The following MPDZ variants were observed in gnomAD, a reference collection of about 807,000 sequenced individuals.
MPDZ encodes the protein multiple PDZ domain crumbs cell polarity complex component.
A neutral mutation model predicts 239.1 loss-of-function variants in MPDZ; 234 were observed. The observed-to-expected ratio is 0.98, with a 90% CI of 0.88 to 1.09. The LOEUF (loss-of-function observed/expected upper bound fraction) is 1.09, where lower values mean the gene tolerates loss of function less well. MPDZ is among the 50% of genes least tolerant of loss of function. The pLI, the probability that MPDZ is intolerant of heterozygous loss-of-function variation, is 0.00. For synonymous variants in MPDZ, 1,048 were observed against 881.3 expected, an observed-to-expected ratio of 1.19 and a Z score of -3.35; for missense variants, 3,175 against 2,510.0, an observed-to-expected ratio of 1.26 and a Z score of -5.66.
chr9:13,251,957 C>T (rs534529372), intron 1 of MPDZ, among the ~76,000 whole-genome samples: 85 of 152,220 alleles, frequency 5.6e-4, no homozygotes, highest in African/African-American at 2.0e-3. Context: ...TCATCTCAAC[C>T]TCAGTTTCTT....
At chr9:13,170,259 T>C (rs1456622366) in intron 21 of MPDZ, among the ~76,000 whole-genome samples, 1 of 152,176 alleles carries the variant, frequency 6.6e-6, no homozygotes, top group Non-Finnish European at 1.5e-5. Context: ...AAATTAGATA[T>C]GATATTTCAA....
chr9:13,156,415 G>A (rs570270396), intron 24 of MPDZ, among the ~76,000 whole-genome samples: 1 of 152,284 alleles, frequency 6.6e-6, no homozygotes, highest in African/African-American at 2.4e-5. Context: ...CCACATGGCT[G>A]GGGAAGCCTC....
In MPDZ at chr9:13,175,834, A is replaced by AT. The variant is rs1952405239; in HGVS notation, c.2972dup (p.Asn991LysfsTer3). 1 of 1,592,556 alleles carries AT rather than the reference A, an allele frequency of 6.3e-7. No homozygotes were observed. Among genetic ancestry groups the AT allele is most frequent in the African/African-American group, 1.3e-5 (1 of 74,646 alleles). ...CATTTTGAAGCATGACACACTCAGCATTACAGGCCAGGGAGCTCTGTTCAA... is the reference window on the plus strand; with the variant it reads ...CATTTTGAAGCATGACACACTCAGCATTTACAGGCCAGGGAGCTCTGTTCAA... On this transcript the variant is annotated frameshift_variant, in exon 21 of 47. Coordinates refer to ENST00000319217, the MANE Select transcript of MPDZ (RefSeq NM_001378778.1). LOFTEE classifies it high-confidence loss of function.
At chr9:13,225,457 G>A (rs1377824550) in intron 3 of MPDZ, among the ~76,000 whole-genome samples, 1 of 151,854 alleles carries the variant, frequency 6.6e-6, no homozygotes, top group African/African-American at 2.4e-5. Context: ...GTAGTGTACA[G>A]TAATGTCGTA....
At chr9:13,229,716 T>G (rs978746866) in intron 3 of MPDZ, among the ~76,000 whole-genome samples, 2 of 151,928 alleles carry the variant, frequency 1.3e-5, no homozygotes, top group African/African-American at 4.8e-5. Context: ...CAGAAAGTAT[T>G]ATAGTACAAA....
intron 31 of MPDZ, 166 bp from the exon 32 acceptor site, chr9:13,134,070 T>C (rs1946401624): frequency 3.6e-6 from 1 of 276,526 alleles, no homozygotes; most frequent in African/African-American, 2.2e-5. Context: ...TTATTTATTA[T>C]AATACATTTT....
Position 13,118,681 on chromosome 9 carries a change from T to C in MPDZ, c.5379+821A>G, listed in dbSNP as rs192115850. Reference sequence around the variant, plus strand: ...TATTTACAGGAATGCAAATCCCCTCTAGAAACTGGAATATTCCCTGACAGA... The same window carrying C: ...TATTTACAGGAATGCAAATCCCCTCCAGAAACTGGAATATTCCCTGACAGA... On this transcript the variant is annotated intron_variant, in intron 39 of 46. Transcript: ENST00000319217. 5.2e-4 allele frequency among the ~76,000 whole-genome samples: 79 copies of C among 152,342 alleles called. 1 individual carries two copies. The South Asian group carries it at 6.2e-3, about 12-fold the overall frequency.
At chr9:13,235,459 T>C (rs1054708123) in intron 3 of MPDZ, among the ~76,000 whole-genome samples, 1 of 152,172 alleles carries the variant, frequency 6.6e-6, no homozygotes, top group South Asian at 2.1e-4. Flanking sequence ...CAAAATGCTT[T>C]CCATAATCAC....
At position 13,175,157 on chromosome 9, in the gene MPDZ, AAC is replaced by A. The variant is rs151290543; in HGVS notation, c.3055+593_3055+594del. On this transcript the variant is annotated intron_variant, in intron 21 of 46. Coordinates refer to ENST00000319217, the MANE Select transcript of MPDZ (RefSeq NM_001378778.1). ...TGAGAGAACAAATGTGCTCTGCCTC[AAC>A]ACAGTTTTAGCTATTGTAATTAGGA... Among the ~76,000 whole-genome samples the A allele has an allele frequency of 6.6e-3, 1,010 of 152,318 alleles. 27 individuals carry two copies. In the South Asian group the frequency reaches 0.081, roughly 12 times the overall value.
chr9:13,154,323 G>A (rs183891542), intron 24 of MPDZ, among the ~76,000 whole-genome samples: 63 of 151,982 alleles, frequency 4.1e-4, no homozygotes, highest in African/African-American at 1.2e-3. Context: ...TTCAGAGATC[G>A]TTATGTAGGG....
At chr9:13,208,337 A>G (rs960798889) in intron 10 of MPDZ, among the ~76,000 whole-genome samples, 1 of 152,012 alleles carries the variant, frequency 6.6e-6, no homozygotes, top group Non-Finnish European at 1.5e-5. Context: ...CCATCTACTC[A>G]GGAGGCTGAG....
At chr9:13,272,540 T>A (rs1281825763) in intron 1 of MPDZ, among the ~76,000 whole-genome samples, 1 of 151,668 alleles carries the variant, frequency 6.6e-6, no homozygotes, top group African/African-American at 2.4e-5. Flanking sequence ...CTGAATCATA[T>A]CGATGAGGCC....
In MPDZ at chr9:13,149,100, A is replaced by G. The variant is rs113437372; in HGVS notation, c.3630+1411T>C. The stretch of plus-strand genomic sequence containing the variant: ...TGAAATTTTAGGTAGTGTCCTAAAT[A>G]AAAGAGTTCGTTAAAAGGGGTCTAA... On this transcript the variant is annotated intron_variant, in intron 25 of 46. Coordinates refer to ENST00000319217, the MANE Select transcript of MPDZ (RefSeq NM_001378778.1). Among the ~76,000 whole-genome samples, 89 of 152,124 alleles carry G rather than the reference A, an allele frequency of 5.9e-4. 3 individuals carry two copies. In the South Asian group the frequency reaches 0.017, roughly 30 times the overall value.
intron 24 of MPDZ, among the ~76,000 whole-genome samples, chr9:13,157,210 C>A (rs1315898362): frequency 6.6e-6 from 1 of 152,118 alleles, no homozygotes; most frequent in Non-Finnish European, 1.5e-5. Flanking sequence ...CAAAGCATCA[C>A]ATTGTGATGG....
intron 3 of MPDZ, among the ~76,000 whole-genome samples, chr9:13,236,164 T>C (rs1449393729): frequency 6.8e-6 from 1 of 146,446 alleles, no homozygotes; most frequent in Non-Finnish European, 1.5e-5. Context: ...CTGCACTAAA[T>C]GCTGGGTTTT....
chr9:13,264,495 C>T (rs1398006193), intron 1 of MPDZ, among the ~76,000 whole-genome samples: 1 of 152,094 alleles, frequency 6.6e-6, no homozygotes, highest in African/African-American at 2.4e-5. Flanking sequence ...GATTACATAA[C>T]AAATCAGTGG....
intron 10 of MPDZ, among the ~76,000 whole-genome samples, chr9:13,210,756 A>T (rs919620302): frequency 6.6e-6 from 1 of 152,118 alleles, no homozygotes. Flanking sequence ...CTGCTGAGAA[A>T]TCAGGGGCCA....
intron 21 of MPDZ, among the ~76,000 whole-genome samples, chr9:13,170,082 G>C (rs1587472555): frequency 6.6e-6 from 1 of 152,166 alleles, no homozygotes; most frequent in South Asian, 2.1e-4. Context: ...ACGAAGTGCT[G>C]AAAGTTTCTT....
At chr9:13,144,193 G>A (rs1331981270) in intron 26 of MPDZ, among the ~76,000 whole-genome samples, 1 of 151,958 alleles carries the variant, frequency 6.6e-6, no homozygotes, top group Non-Finnish European at 1.5e-5. Context: ...TTTTGTGGAG[G>A]TAGAAACATG....
Sources: gnomAD v4.1 joint callset for allele counts (sites outside exome capture counted in the v4.1 genomes callset) on GRCh38, gnomAD v4.1.1 for gene constraint, MANE v1.5 for transcripts, NCBI Gene and HGNC (gene_info 2026-07-23, HGNC 2026-07-21) for gene names.